TXNDC12: variants seen among roughly 807,000 people sequenced by gnomAD.
TXNDC12 encodes the protein thioredoxin domain containing 12, also known as thioredoxin domain-containing protein 12.
Under a neutral mutation model 24.2 loss-of-function variants are expected in TXNDC12, and 22 were observed. The observed-to-expected ratio is 0.91, with a 90% CI of 0.65 to 1.30. The LOEUF (loss-of-function observed/expected upper bound fraction) is 1.30, where lower values mean the gene tolerates loss of function less well. Among genes scored for constraint, TXNDC12 ranks in the 50% most tolerant of loss-of-function variants. The pLI, the probability that TXNDC12 is intolerant of heterozygous loss-of-function variation, is 0.00. For missense variants in TXNDC12, 184 were observed against 205.8 expected (o/e 0.89, Z 0.65); for synonymous variants, 58 against 73.4 (o/e 0.79, Z 1.07).
At chr1:52,034,788 G>A (rs1685852028) in intron 2 of TXNDC12, among the ~76,000 whole-genome samples, 1 of 151,604 alleles carries the variant, frequency 6.6e-6, no homozygotes, top group Admixed American at 6.6e-5. Flanking sequence ...TTTTGAGATG[G>A]AGCCTCGCTC....
At chr1:52,024,055 C>T (rs1557989909) in intron 5 of TXNDC12, among the ~76,000 whole-genome samples, 5 of 150,946 alleles carry the variant, frequency 3.3e-5, no homozygotes. Context: ...AGGGCAGTGG[C>T]GTGATTATGG....
intron 2 of TXNDC12, among the ~76,000 whole-genome samples, chr1:52,037,279 C>G (rs1398097283): frequency 1.4e-5 from 2 of 144,120 alleles, no homozygotes; most frequent in East Asian, 4.3e-4. Flanking sequence ...ATGGCACGAT[C>G]TCAGCTCACT....
chr1:52,032,298 T>C (rs1685776669), intron 2 of TXNDC12: 1 of 1,001,430 alleles, frequency 1.0e-6, no homozygotes, highest in Non-Finnish European at 1.2e-6. Context: ...GGTGCAGATG[T>C]AGAACTGTAC....
At chr1:52,053,062 G>C (rs1686247245) in intron 1 of TXNDC12, among the ~76,000 whole-genome samples, 2 of 150,084 alleles carry the variant, frequency 1.3e-5, no homozygotes, top group African/African-American at 4.9e-5. Context: ...TGGCCAACAT[G>C]GTGAAACTCC....
intron 2 of TXNDC12, among the ~76,000 whole-genome samples, 189 bp downstream of exon 2, chr1:52,041,348 A>G (rs890350566): frequency 3.3e-5 from 5 of 152,070 alleles, no homozygotes; most frequent in African/African-American, 9.7e-5. Context: ...GAAAAAAAAA[A>G]AAAGAAAAAA....
intron 2 of TXNDC12, chr1:52,032,484 C>T: frequency 7.5e-7 from 1 of 1,326,948 alleles, no homozygotes; most frequent in Non-Finnish European, 9.6e-7. Flanking sequence ...TGCCAGGTTG[C>T]ACCACAATAG....
chr1:52,033,402 CG>C (rs1557993399), intron 2 of TXNDC12: 1 of 1,451,450 alleles, frequency 6.9e-7, no homozygotes, highest in South Asian at 1.3e-5. Flanking sequence ...CGTTCGCGCC[CG>C]CCACCTGAGG....
intron 2 of TXNDC12, among the ~76,000 whole-genome samples, chr1:52,039,110 G>T (rs920843308): frequency 1.5e-5 from 2 of 137,806 alleles, no homozygotes; most frequent in African/African-American, 5.4e-5. Flanking sequence ...AAAAAAAAAG[G>T]GTTCATTTAT....
rs779358920 is a variant in TXNDC12, at chr1:52,033,279, TAC to T, written c.159-4651_159-4650del. On this transcript the variant is annotated intron_variant, in intron 2 of 6. Coordinates refer to ENST00000371626, the MANE Select transcript of TXNDC12 (RefSeq NM_015913.4). ...CGTCGGCCTGGGCACTTCCATTTAC[TAC>T]AGAGTCCGCAGTATGCAGTTCCCTG... 1.1e-5 allele frequency: 17 copies of T among 1,613,980 alleles called. No individual in the cohort carries two copies. The East Asian group carries it at 2.0e-4, about 19-fold the overall frequency.
At chr1:52,053,624 A>C (rs1385998883) in intron 1 of TXNDC12, among the ~76,000 whole-genome samples, 1 of 152,184 alleles carries the variant, frequency 6.6e-6, no homozygotes, top group Non-Finnish European at 1.5e-5. Flanking sequence ...AGATCATGCC[A>C]CTGGACTCCA....
intron 1 of TXNDC12, among the ~76,000 whole-genome samples, chr1:52,048,499 T>C (rs1270283315): frequency 2.1e-5 from 3 of 145,910 alleles, no homozygotes; most frequent in Admixed American, 1.4e-4. Context: ...AAAGCATGCC[T>C]AAAACAGAAG....
At chr1:52,027,792 G>A (rs1200075131) in intron 3 of TXNDC12, among the ~76,000 whole-genome samples, 2 of 148,980 alleles carry the variant, frequency 1.3e-5, no homozygotes, top group Admixed American at 6.7e-5. Context: ...TATATGTTAT[G>A]TATATATGTG....
intron 2 of TXNDC12, among the ~76,000 whole-genome samples, chr1:52,038,652 A>G (rs1484053895): frequency 6.6e-6 from 1 of 152,034 alleles, no homozygotes; most frequent in Non-Finnish European, 1.5e-5. Context: ...AAATCAGCAA[A>G]CCATCATTTG....
intron 2 of TXNDC12, chr1:52,033,573 T>G (rs1033848044): frequency 4.3e-6 from 7 of 1,613,606 alleles, no homozygotes; most frequent in Non-Finnish European, 5.9e-6. Flanking sequence ...CCACGGAGGC[T>G]CGCAGAGCTC....
intron 2 of TXNDC12, chr1:52,033,723 G>C: frequency 6.2e-7 from 1 of 1,609,612 alleles, no homozygotes; most frequent in Non-Finnish European, 8.5e-7. Context: ...GCCGGCTCTT[G>C]CCGCTGTACG....
In TXNDC12 at chr1:52,023,315, G is replaced by A. The variant is rs575892529; in HGVS notation, c.439+176C>T. 8.0e-6 allele frequency: 4 copies of A among 501,250 alleles called. No individual in the cohort carries two copies. The East Asian group carries it at 1.1e-4, about 14-fold the overall frequency. The allele number at this position is 501,250 out of a possible 1,614,324, so 31.1% of individuals were successfully genotyped here. A position where few individuals can be genotyped will look rare whatever the true frequency, so the allele number is the denominator to read the frequency against. ...TGTGGGTCAGTCAGCTCTTCCAAGGGAAGGGGCTCAGTCTCATCTTCCTCC... is the reference window on the plus strand; with the variant it reads ...TGTGGGTCAGTCAGCTCTTCCAAGGAAAGGGGCTCAGTCTCATCTTCCTCC... On this transcript the variant is annotated intron_variant, in intron 6 of 6. Transcript: ENST00000371626.
chr1:52,032,839 C>T (rs778612379), intron 2 of TXNDC12: 2 of 1,614,180 alleles, frequency 1.2e-6, no homozygotes, highest in Non-Finnish European at 1.7e-6. Flanking sequence ...CCGGGTAAAC[C>T]GCAAGTGCTC....
intron 2 of TXNDC12, chr1:52,034,109 T>G: frequency 8.3e-7 from 1 of 1,207,766 alleles, no homozygotes; most frequent in Non-Finnish European, 1.0e-6. Flanking sequence ...TAGAAGGCAA[T>G]TAATAAATGC....
At chr1:52,051,321 AC>A (rs1485645592) in intron 1 of TXNDC12, among the ~76,000 whole-genome samples, 1 of 152,198 alleles carries the variant, frequency 6.6e-6, no homozygotes, top group African/African-American at 2.4e-5. Context: ...ATTGGTTGTC[AC>A]GTAGGACCAG....
Sources: allele counts gnomAD v4.1 joint callset (sites outside exome capture counted in the v4.1 genomes callset), GRCh38; gene constraint gnomAD v4.1.1; transcripts MANE v1.5; gene names NCBI Gene and HGNC (gene_info 2026-07-23, HGNC 2026-07-21).